CNTFR: variants seen among roughly 807,000 people sequenced by gnomAD.
CNTFR encodes ciliary neurotrophic factor receptor subunit alpha.
A neutral mutation model predicts 40.4 loss-of-function variants in CNTFR; 12 were observed. The observed-to-expected ratio is 0.30, with a 90% CI of 0.19 to 0.48. The LOEUF is 0.48. Ranked by LOEUF, CNTFR falls within the 20% of genes least tolerant of loss-of-function variation. The pLI is 0.99. For synonymous variants in CNTFR, 202 were observed against 209.6 expected (o/e 0.96, Z 0.31); for missense variants, 414 against 506.8 (o/e 0.82, Z 1.76).
At chr9:34,579,936 C>T (rs1827201202) in intron 2 of CNTFR, among the ~76,000 whole-genome samples, 2 of 152,076 alleles carry the variant, frequency 1.3e-5, no homozygotes, top group Admixed American at 1.3e-4. Flanking sequence ...GGGTGTTCTC[C>T]AGCTCCCCTG....
At position 34,589,104 on chromosome 9, in the gene CNTFR, T is replaced by G. The variant is rs1199821121; in HGVS notation, c.-112+451A>C. Among the ~76,000 whole-genome samples, 1 of 151,794 alleles carries G rather than the reference T, an allele frequency of 6.6e-6. No individual in the cohort carries two copies. The highest frequency in any genetic ancestry group is 2.4e-5 in the African/African-American group (1 of 41,298). ...GCGCGCGGATTCACACGGACACACA[T>G]GCACTGGCAGACGCGCAACCGTCGG... On this transcript the variant is annotated intron_variant, in intron 1 of 9. Coordinates refer to ENST00000378980, the MANE Select transcript of CNTFR (RefSeq NM_147164.3). The surrounding 1 kb of genome is among the most constrained non-coding windows in gnomAD (Gnocchi z 4.4).
At chr9:34,577,050 G>A (rs1827007755) in intron 2 of CNTFR, among the ~76,000 whole-genome samples, 1 of 152,216 alleles carries the variant, frequency 6.6e-6, no homozygotes, top group Admixed American at 6.5e-5. Flanking sequence ...AGCAGGAGGG[G>A]AGCAGGCAGA....
At chr9:34,565,416 C>T (rs553238557) in intron 3 of CNTFR, among the ~76,000 whole-genome samples, 2 of 152,128 alleles carry the variant, frequency 1.3e-5, no homozygotes, top group African/African-American at 4.8e-5. Context: ...TTTCCTCTGC[C>T]TTCCCAGCCT....
rs1825894021 is a variant in CNTFR, at chr9:34,557,469, C to T, written c.604+57G>A. ...TGTGGACATCCCCACCAATGGCACA[C>T]ATCCACTTACATTCCCACTGGAGTA... is the stretch of plus-strand genomic sequence containing the variant. On this transcript the variant is annotated intron_variant, in intron 6 of 9. Transcript: ENST00000378980. The surrounding 1 kb of genome is among the most constrained non-coding windows in gnomAD (Gnocchi z 4.2). 1.3e-6 allele frequency: 2 copies of T among 1,582,910 alleles called. No homozygotes were observed. Among genetic ancestry groups the T allele is most frequent in the South Asian group, 2.3e-5 (2 of 87,874 alleles).
rs537109965 is a variant in CNTFR at position 34,551,999 on chromosome 9, G to A, written c.*72C>T. ...CCTGCCCGTGTGCAAAATAGAAACC[G>A]GGGTCTGCAGGCTCAGCTCCGGCCT... is the stretch of plus-strand genomic sequence containing the variant. On this transcript the variant is annotated 3_prime_UTR_variant, in exon 10 of 10. Coordinates refer to ENST00000378980, the MANE Select transcript of CNTFR (RefSeq NM_147164.3). 9 of 867,032 alleles carry A rather than the reference G, an allele frequency of 1.0e-5. No homozygotes were observed. Among genetic ancestry groups the A allele is most frequent in the Admixed American group, 3.9e-5 (2 of 51,086 alleles). The allele number at this position is 867,032 out of a possible 1,614,324, so 53.7% of individuals were successfully genotyped here. A position where few individuals can be genotyped will look rare whatever the true frequency, so the allele number is the denominator to read the frequency against.
At chr9:34,570,640 TGTCAGACACACA>T (rs1175198747) in intron 2 of CNTFR, among the ~76,000 whole-genome samples, 1 of 152,010 alleles carries the variant, frequency 6.6e-6, no homozygotes, top group Non-Finnish European at 1.5e-5. Flanking sequence ...CCAGAGACAC[TGTCAGACACACA>T]GTCAGACACA....
chr9:34,566,310 C>T (rs1391058277), intron 3 of CNTFR, among the ~76,000 whole-genome samples: 1 of 152,198 alleles, frequency 6.6e-6, no homozygotes, highest in Non-Finnish European at 1.5e-5. Context: ...CTGTCCCTGT[C>T]AGAGAAGAAG....
At chr9:34,556,121 T>C in intron 7 of CNTFR, 134 bp downstream of exon 7, 1 of 1,026,658 alleles carries the variant, frequency 9.7e-7, no homozygotes, top group South Asian at 1.5e-5. Context: ...CAGGCCCACC[T>C]GTCCCTTTTC....
chr9:34,578,527 T>C (rs1466695745), intron 2 of CNTFR, among the ~76,000 whole-genome samples: 1 of 152,162 alleles, frequency 6.6e-6, no homozygotes, highest in Non-Finnish European at 1.5e-5. Flanking sequence ...AGGGCTGACC[T>C]CTGCTGCCTG....
intron 1 of CNTFR, among the ~76,000 whole-genome samples, chr9:34,583,448 T>C (rs1040538200): frequency 6.6e-5 from 10 of 152,172 alleles, no homozygotes; most frequent in African/African-American, 1.9e-4. Context: ...CAGAACCCTG[T>C]AGGCTCACAG....
intron 1 of CNTFR, among the ~76,000 whole-genome samples, chr9:34,585,228 C>A (rs1827487313): frequency 6.6e-6 from 1 of 152,164 alleles, no homozygotes; most frequent in South Asian, 2.1e-4. Context: ...GAGACCCAGT[C>A]CTTGAGTCAC....
At chr9:34,565,166 C>A (rs1826230699) in intron 3 of CNTFR, among the ~76,000 whole-genome samples, 1 of 152,076 alleles carries the variant, frequency 6.6e-6, no homozygotes, top group African/African-American at 2.4e-5. Flanking sequence ...AACCCAGTTC[C>A]TCTCCAGTCC....
chr9:34,569,428 C>T (rs558103827), intron 2 of CNTFR: 14 of 168,132 alleles, frequency 8.3e-5, no homozygotes, highest in Admixed American at 7.6e-4. Flanking sequence ...AATAACTTTA[C>T]TGGTGAGGTT....
chr9:34,577,305 G>A (rs1486956120), intron 2 of CNTFR, among the ~76,000 whole-genome samples: 1 of 152,226 alleles, frequency 6.6e-6, no homozygotes, highest in Admixed American at 6.5e-5. Flanking sequence ...AGCCTGACGT[G>A]ACTCCACGGA....
At chr9:34,590,463 T>A (rs1827729878), upstream of CNTFR, among the ~76,000 whole-genome samples, 1 of 152,102 alleles carries the variant, frequency 6.6e-6, no homozygotes, top group Non-Finnish European at 1.5e-5. Context: ...CTATTGCTAC[T>A]GCCCCCCGCA....
intron 2 of CNTFR, among the ~76,000 whole-genome samples, chr9:34,569,299 T>C (rs12000687): frequency 0.13 from 19,816 of 152,184 alleles, 1,428 homozygotes; most frequent in East Asian, 0.3. Context: ...TTTGCTAAGA[T>C]GGTAGAAGGC....
At position 34,589,281 on chromosome 9, in the gene CNTFR, G is replaced by C. The variant is rs1283979283; in HGVS notation, c.-112+274C>G. ...GGGGTGGGGAGAACAGGGACACTAG[G>C]ACAAACCGCCGGAGCCACCTCCCTC... On this transcript the variant is annotated intron_variant, in intron 1 of 9. Coordinates refer to ENST00000378980, the MANE Select transcript of CNTFR (RefSeq NM_147164.3). The surrounding 1 kb of genome is among the most constrained non-coding windows in gnomAD (Gnocchi z 4.4). 6.6e-6 allele frequency among the ~76,000 whole-genome samples: 1 copy of C among 152,020 alleles called. No individual in the cohort carries two copies. The highest frequency in any genetic ancestry group is 2.4e-5 in the African/African-American group (1 of 41,404).
intron 2 of CNTFR, among the ~76,000 whole-genome samples, chr9:34,573,073 CCT>C (rs947296594): frequency 1.1e-4 from 16 of 152,312 alleles, no homozygotes; most frequent in African/African-American, 1.7e-4. Context: ...GTCAGGAACC[CCT>C]GTTACCCAGT....
intron 4 of CNTFR, among the ~76,000 whole-genome samples, chr9:34,562,401 C>T (rs1252069129): frequency 6.6e-6 from 1 of 152,158 alleles, no homozygotes; most frequent in African/African-American, 2.4e-5. Flanking sequence ...AACGCCATCT[C>T]TTCAGTTTAG....
Sources: gnomAD v4.1 joint callset for allele counts (sites outside exome capture counted in the v4.1 genomes callset) on GRCh38, gnomAD v4.1.1 for gene constraint, Gnocchi (gnomAD v3.1) non-coding constraint, MANE v1.5 for transcripts, NCBI Gene and HGNC (gene_info 2026-07-23, HGNC 2026-07-21) for gene names.